SAMD4B: variants seen among roughly 807,000 people sequenced by gnomAD.
SAMD4B encodes sterile alpha motif domain containing 4B.
A neutral mutation model predicts 74.5 loss-of-function variants in SAMD4B; 5 were observed. That is an observed-to-expected ratio of 0.07 (90% CI 0.04 to 0.14). The LOEUF is 0.14. Ranked by LOEUF, SAMD4B falls within the 10% of genes least tolerant of loss-of-function variation. The pLI is 1.00. For missense variants in SAMD4B, 608 were observed against 921.8 expected (o/e 0.66, Z 4.41); for synonymous variants, 373 against 374.9 (o/e 1.00, Z 0.06).
intron 3 of SAMD4B, among the ~76,000 whole-genome samples, chr19:39,368,852 A>G (rs1600559224): frequency 6.6e-6 from 1 of 152,326 alleles, no homozygotes; most frequent in East Asian, 1.9e-4. Flanking sequence ...CATGAGGTTC[A>G]AGGTAGCTTA....
intron 1 of SAMD4B, among the ~76,000 whole-genome samples, chr19:39,353,650 G>A (rs1194246874): frequency 6.6e-6 from 1 of 152,102 alleles, no homozygotes; most frequent in Non-Finnish European, 1.5e-5. Flanking sequence ...CACCCAGGCT[G>A]GAGTGCAGTG....
At chr19:39,390,762 G>C in the SAMD4B span, 1 of 1,528,334 alleles carries the variant, frequency 6.5e-7, no homozygotes, top group Non-Finnish European at 8.9e-7. Context: ...ACGTTGTTCA[G>C]CAGAAACCCT....
intron 4 of SAMD4B, among the ~76,000 whole-genome samples, chr19:39,370,846 C>T (rs1371319220): frequency 1.3e-5 from 2 of 152,238 alleles, no homozygotes; most frequent in African/African-American, 2.4e-5. Flanking sequence ...ACAACCGTAT[C>T]ATTAGCCCTA....
rs185240422 is a variant in SAMD4B, at chr19:39,345,989, C to G, written c.-267+3413C>G. 1.3e-4 allele frequency among the ~76,000 whole-genome samples: 20 copies of G among 152,252 alleles called. No homozygotes were observed. In the East Asian group the frequency reaches 3.9e-3, roughly 29 times the overall value. On this transcript the variant is annotated intron_variant, in intron 1 of 13. Transcript: ENST00000610417. ...CTACCCCAAGTCCTTTGCCTGGTGA[C>G]CTGCCTCACCCGTCCTGGTTGGCTT...
At chr19:39,369,437 G>C in intron 3 of SAMD4B, 1 of 570,152 alleles carries the variant, frequency 1.8e-6, no homozygotes, top group Admixed American at 3.1e-5. Context: ...AACATAGTGA[G>C]ACCCCATCTC....
Position 39,383,868 on chromosome 19 carries a change from C to A in SAMD4B, c.*341C>A, listed in dbSNP as rs1302082278. The A allele has an allele frequency of 3.0e-6, 2 of 675,554 alleles. No individual in the cohort carries two copies. The highest frequency in any genetic ancestry group is 5.0e-6 in the Non-Finnish European group (2 of 401,060). The allele number at this position is 675,554 out of a possible 1,614,324, so 41.8% of individuals were successfully genotyped here. A position where few individuals can be genotyped will look rare whatever the true frequency, so the allele number is the denominator to read the frequency against. ...CCAGACCGCTGACCACCTGCCTCTC[C>A]CCAAGGGAGCAGACTCCCCAGAGAC... On this transcript the variant is annotated 3_prime_UTR_variant, in exon 14 of 14. Transcript: ENST00000610417. The surrounding 1 kb of genome is among the most constrained non-coding windows in gnomAD (Gnocchi z 4.1).
rs968632164 is a variant in SAMD4B, at chr19:39,369,376, G to C, written c.197-279G>C. 5 of 449,736 alleles carry C rather than the reference G, an allele frequency of 1.1e-5. No individual in the cohort carries two copies. In the Admixed American group the frequency reaches 1.1e-4, roughly 10 times the overall value. 27.9% of individuals were successfully genotyped at this position (449,736 alleles called of 1,614,324 possible). On this transcript the variant is annotated intron_variant, in intron 3 of 13. Coordinates refer to ENST00000610417, the MANE Select transcript of SAMD4B (RefSeq NM_001384574.2). ...TGGAGCAGGTCAAAACTCCCGTGCT[G>C]ATCAATAGTGGGATTGCACTTGTGA...
chr19:39,371,988 G>A (rs2077334531), intron 4 of SAMD4B, among the ~76,000 whole-genome samples: 1 of 152,146 alleles, frequency 6.6e-6, no homozygotes, highest in African/African-American at 2.4e-5. Flanking sequence ...TCCTGGAGAT[G>A]CTCATCCCTC....
chr19:39,363,955 C>T (rs1462670205), intron 3 of SAMD4B, among the ~76,000 whole-genome samples: 3 of 152,238 alleles, frequency 2.0e-5, no homozygotes, highest in African/African-American at 7.2e-5. Flanking sequence ...CCCAGCTGGG[C>T]TCACCCCAAG....
At chr19:39,373,412 C>T (rs1221262918) in intron 4 of SAMD4B, among the ~76,000 whole-genome samples, 1 of 151,964 alleles carries the variant, frequency 6.6e-6, no homozygotes, top group Admixed American at 6.6e-5. Context: ...AGTAATTGGA[C>T]TGGGCTGCCA....
At chr19:39,344,642 G>C (rs2075579678) in intron 1 of SAMD4B, among the ~76,000 whole-genome samples, 4 of 152,028 alleles carry the variant, frequency 2.6e-5, no homozygotes, top group African/African-American at 9.7e-5. Flanking sequence ...TTCCTCTGAA[G>C]TCAACTCAGA....
intron 1 of SAMD4B, among the ~76,000 whole-genome samples, chr19:39,347,424 G>A (rs867789004): frequency 3.3e-5 from 5 of 152,218 alleles, no homozygotes; most frequent in African/African-American, 9.6e-5. Flanking sequence ...AAATAGGCCT[G>A]TGATTCCATC....
chr19:39,348,545 G>A (rs1218596087), intron 1 of SAMD4B, among the ~76,000 whole-genome samples: 1 of 152,214 alleles, frequency 6.6e-6, no homozygotes, highest in Admixed American at 6.5e-5. Context: ...GGAGAGGGGT[G>A]AGGGTTGGAA....
intron 4 of SAMD4B, among the ~76,000 whole-genome samples, chr19:39,372,875 G>A (rs893750157): frequency 6.6e-6 from 1 of 152,204 alleles, no homozygotes; most frequent in Non-Finnish European, 1.5e-5. Flanking sequence ...AGAGTGCTGA[G>A]TGGGGACAGA....
intron 3 of SAMD4B, chr19:39,369,294 T>C (rs962913266): frequency 2.9e-5 from 9 of 309,936 alleles, no homozygotes; most frequent in South Asian, 3.1e-5. Flanking sequence ...GGTGACCTCC[T>C]AGGAGTGGGG....
At position 39,378,674 on chromosome 19, in the gene SAMD4B, G is replaced by T; in HGVS notation, c.1530+85G>T. 1 of 1,100,596 alleles carries T rather than the reference G, an allele frequency of 9.1e-7. No homozygotes were observed. Among genetic ancestry groups the T allele is most frequent in the Non-Finnish European group, 1.4e-6 (1 of 732,722 alleles). The allele number at this position is 1,100,596 out of a possible 1,614,324, so 68.2% of individuals were successfully genotyped here. A position where few individuals can be genotyped will look rare whatever the true frequency, so the allele number is the denominator to read the frequency against. On this transcript the variant is annotated intron_variant, in intron 9 of 13. Coordinates refer to ENST00000610417, the MANE Select transcript of SAMD4B (RefSeq NM_001384574.2). The surrounding 1 kb of genome is among the most constrained non-coding windows in gnomAD (Gnocchi z 4.4). ...CTGTAGTCCCAGCACTTCGGCCACC[G>T]AGGCGGGCGGATCATGAGGTCAGGA...
intron 4 of SAMD4B, among the ~76,000 whole-genome samples, chr19:39,372,920 T>A (rs900474084): frequency 2.6e-5 from 4 of 152,084 alleles, no homozygotes; most frequent in Non-Finnish European, 5.9e-5. Flanking sequence ...GCTGAAGAAC[T>A]CCTGGGAAGA....
Position 39,375,327 on chromosome 19 carries a change from G to T in SAMD4B, c.668-323G>T, listed in dbSNP as rs1029745788. ...TTAGAAGGACCTTTATGGCTGTTGT[G>T]AGGGGCGTGGACTGTAGGAGGCAAG... On this transcript the variant is annotated intron_variant, in intron 4 of 13. Coordinates refer to ENST00000610417, the MANE Select transcript of SAMD4B (RefSeq NM_001384574.2). The surrounding 1 kb of genome is among the most constrained non-coding windows in gnomAD (Gnocchi z 4.1). Among the ~76,000 whole-genome samples, 2 of 152,196 alleles carry T rather than the reference G, an allele frequency of 1.3e-5. No individual in the cohort carries two copies. Among genetic ancestry groups the T allele is most frequent in the Non-Finnish European group, 2.9e-5 (2 of 68,036 alleles).
downstream of SAMD4B, chr19:39,389,068 C>T: frequency 6.2e-7 from 1 of 1,612,178 alleles, no homozygotes. The surrounding 1 kb of genome is among the most constrained non-coding windows in gnomAD (Gnocchi z 5.3). Context: ...ACCCTTGCCT[C>T]TCCCCATCCC....
Sources: gnomAD v4.1 joint callset for allele counts (sites outside exome capture counted in the v4.1 genomes callset) on GRCh38, gnomAD v4.1.1 for gene constraint, Gnocchi (gnomAD v3.1) non-coding constraint, MANE v1.5 for transcripts, NCBI Gene and HGNC (gene_info 2026-07-23, HGNC 2026-07-21) for gene names.